Variants in STAU2 observed in about 807,000 individuals in gnomAD.
The protein encoded by STAU2 is staufen double-stranded RNA binding protein 2, also known as double-stranded RNA-binding protein Staufen homolog 2.
In STAU2, 20 loss-of-function variants were observed where a neutral mutation model predicts 65.9. That is an observed-to-expected ratio of 0.30 (90% CI 0.21 to 0.44). The LOEUF is 0.44. Among genes scored for constraint, STAU2 ranks in the 20% least tolerant of loss-of-function variants. The pLI is 1.00. For synonymous variants in STAU2, 232 were observed against 233.9 expected (o/e 0.99, Z 0.07); for missense variants, 558 against 683.9 (o/e 0.82, Z 2.05).
chr8:73,541,395 G>A (rs1806534476), intron 13 of STAU2, among the ~76,000 whole-genome samples: 1 of 152,110 alleles, frequency 6.6e-6, no homozygotes, highest in Non-Finnish European at 1.5e-5. Context: ...TCAGCTGAGG[G>A]ATACCACCAT....
At chr8:73,697,275 A>G (rs571653855) in intron 4 of STAU2, 2 of 152,316 alleles carry the variant, frequency 1.3e-5, no homozygotes, top group East Asian at 3.9e-4. Flanking sequence ...GTGGCAAGAC[A>G]TATTTTAAGT....
At chr8:73,737,615 T>A (rs1251386096) in intron 3 of STAU2, among the ~76,000 whole-genome samples, 1 of 151,268 alleles carries the variant, frequency 6.6e-6, no homozygotes, top group East Asian at 1.9e-4. Flanking sequence ...CGTTACCCAG[T>A]CTGGCTCAAA....
intron 3 of STAU2, chr8:73,727,864 C>T (rs1470833268): frequency 6.6e-6 from 1 of 152,228 alleles, no homozygotes; most frequent in African/African-American, 2.4e-5. Flanking sequence ...TTCTCCACAT[C>T]GTCCTCAAAA....
chr8:73,425,428 C>G (rs1207965329), intron 13 of STAU2, among the ~76,000 whole-genome samples: 1 of 152,142 alleles, frequency 6.6e-6, no homozygotes, highest in Non-Finnish European at 1.5e-5. Context: ...GGAGAGGGGC[C>G]TGGGACAGAT....
At chr8:73,611,551 C>T (rs1311637327) in intron 9 of STAU2, among the ~76,000 whole-genome samples, 2 of 152,058 alleles carry the variant, frequency 1.3e-5, no homozygotes, top group Non-Finnish European at 2.9e-5. Flanking sequence ...TGGGGAATAA[C>T]ATTTAAATAA....
chr8:73,425,784 A>G (rs1381866609), intron 13 of STAU2, among the ~76,000 whole-genome samples: 1 of 152,060 alleles, frequency 6.6e-6, no homozygotes, highest in East Asian at 1.9e-4. Context: ...TTTCCATATC[A>G]CTTGTTTTTT....
At chr8:73,747,385 A>G (rs1170463529), upstream of STAU2, 3 of 1,534,964 alleles carry the variant, frequency 2.0e-6, no homozygotes, top group East Asian at 2.4e-5. Context: ...CCCCGCTCGT[A>G]CCTTTCCCAG....
chr8:73,435,868 C>T (rs1383945532), intron 13 of STAU2, among the ~76,000 whole-genome samples: 1 of 151,778 alleles, frequency 6.6e-6, no homozygotes, highest in Non-Finnish European at 1.5e-5. Context: ...ACATCCTGAA[C>T]CAGAGGGACC....
intron 5 of STAU2, among the ~76,000 whole-genome samples, chr8:73,673,542 T>C (rs1563497829): frequency 6.6e-6 from 1 of 152,144 alleles, no homozygotes; most frequent in Non-Finnish European, 1.5e-5. Flanking sequence ...AATATTATTT[T>C]TTAAAGTACT....
chr8:73,746,571 G>A (rs1169447704), intron 1 of STAU2, among the ~76,000 whole-genome samples: 1 of 147,878 alleles, frequency 6.8e-6, no homozygotes, highest in African/African-American at 2.5e-5. Flanking sequence ...TCGCCTCCCT[G>A]TCCTCCCTCC....
chr8:73,499,807 G>T (rs1218978735), intron 13 of STAU2, among the ~76,000 whole-genome samples: 1 of 151,796 alleles, frequency 6.6e-6, no homozygotes, highest in Non-Finnish European at 1.5e-5. Flanking sequence ...AAGATAGATA[G>T]AAACCAGTGA....
intron 13 of STAU2, chr8:73,527,761 C>T: frequency 6.5e-7 from 1 of 1,536,700 alleles, no homozygotes; most frequent in Non-Finnish European, 8.7e-7. Context: ...TAATGTCAGA[C>T]AGGTCACACA....
intron 13 of STAU2, among the ~76,000 whole-genome samples, chr8:73,484,497 C>T (rs1820807848): frequency 6.6e-6 from 1 of 152,038 alleles, no homozygotes; most frequent in African/African-American, 2.4e-5. Flanking sequence ...CAGAGTAGAA[C>T]TCGGCTAATG....
intron 6 of STAU2, among the ~76,000 whole-genome samples, chr8:73,658,943 C>CAACAACAACAAAAA (rs373405572): frequency 1.4e-5 from 2 of 141,890 alleles, no homozygotes; most frequent in African/African-American, 5.1e-5. Context: ...ACAAAAACAA[C>CAACAACAACAAAAA]AAAAAAAAAA....
At chr8:73,562,941 T>C (rs1319072355) in intron 12 of STAU2, among the ~76,000 whole-genome samples, 1 of 152,002 alleles carries the variant, frequency 6.6e-6, no homozygotes, top group Admixed American at 6.5e-5. Context: ...CAAAACCTCA[T>C]CTCAAAAACT....
intron 13 of STAU2, among the ~76,000 whole-genome samples, chr8:73,531,526 G>A (rs1225835415): frequency 1.3e-5 from 2 of 151,982 alleles, no homozygotes; most frequent in African/African-American, 4.8e-5. Flanking sequence ...TTAAGAAAAA[G>A]TCACATTTTA....
chr8:73,608,169 T>C (rs1273589688), intron 9 of STAU2, among the ~76,000 whole-genome samples: 1 of 152,192 alleles, frequency 6.6e-6, no homozygotes, highest in East Asian at 1.9e-4. Flanking sequence ...CTCTAAAAGA[T>C]CATACTTTTT....
chr8:73,433,955 C>A (rs1016018037), intron 13 of STAU2, among the ~76,000 whole-genome samples: 1 of 151,822 alleles, frequency 6.6e-6, no homozygotes, highest in Non-Finnish European at 1.5e-5. Flanking sequence ...CAGATGCCCA[C>A]GTCCTAATCC....
chr8:73,542,307 C>T (rs117256206), intron 13 of STAU2, among the ~76,000 whole-genome samples: 1 of 152,032 alleles, frequency 6.6e-6, no homozygotes, highest in Non-Finnish European at 1.5e-5. Flanking sequence ...AACTCTTACC[C>T]CATACCATAC....
Sources: allele counts gnomAD v4.1 joint callset (sites outside exome capture counted in the v4.1 genomes callset), GRCh38; gene constraint gnomAD v4.1.1; transcripts MANE v1.5; gene names NCBI Gene and HGNC (gene_info 2026-07-23, HGNC 2026-07-21).